The following AGBL4 variants were observed in gnomAD, a reference collection of about 807,000 sequenced individuals.
AGBL4 encodes cytosolic carboxypeptidase 6.
AGBL4 carries 58 observed loss-of-function variants against 66.4 expected under a neutral mutation model. The observed-to-expected ratio is 0.87, with a 90% CI of 0.71 to 1.09. The LOEUF (loss-of-function observed/expected upper bound fraction) is 1.09. Among genes scored for constraint, AGBL4 ranks in the 50% least tolerant of loss-of-function variants. The pLI, the probability that AGBL4 is intolerant of heterozygous loss-of-function variation, is 0.00. For synonymous variants in AGBL4, 234 were observed against 222.9 expected (o/e 1.05, Z -0.44); for missense variants, 579 against 631.0 (o/e 0.92, Z 0.88).
chr1:48,835,427 G>T lies in AGBL4; in HGVS notation c.634+31764C>A, dbSNP rs565003678. Among the ~76,000 whole-genome samples the T allele has an allele frequency of 1.2e-4, 18 of 152,170 alleles. No homozygotes were observed. In the South Asian group the frequency reaches 1.7e-3, roughly 14 times the overall value. ...TCCTTAAATAATCACACAAATATGG[G>T]TATAATTACACTCTGAGATGAGTGC... On this transcript the variant is annotated intron_variant, in intron 6 of 13. Transcript: ENST00000371839.
At chr1:49,977,326 T>C (rs1382869650) in intron 1 of AGBL4, among the ~76,000 whole-genome samples, 1 of 151,834 alleles carries the variant, frequency 6.6e-6, no homozygotes, top group African/African-American at 2.4e-5. Flanking sequence ...TCGTCTTCCA[T>C]GGACTTCACC....
At chr1:49,234,803 G>A (rs973681595) in intron 4 of AGBL4, among the ~76,000 whole-genome samples, 3 of 152,138 alleles carry the variant, frequency 2.0e-5, no homozygotes, top group Non-Finnish European at 2.9e-5. Flanking sequence ...TAGAAAGGTT[G>A]ATCACCCTAT....
At chr1:49,756,038 A>G (rs547531293) in intron 2 of AGBL4, among the ~76,000 whole-genome samples, 77 of 152,318 alleles carry the variant, frequency 5.1e-4, no homozygotes, top group African/African-American at 1.5e-3. Flanking sequence ...AACATTTTAT[A>G]CTAGTGTTTC....
intron 3 of AGBL4, among the ~76,000 whole-genome samples, chr1:49,347,417 A>G (rs1645655393): frequency 6.6e-6 from 1 of 151,658 alleles, no homozygotes; most frequent in Admixed American, 6.6e-5. Context: ...ACGCCCAGCT[A>G]ATTTTTTGTA....
At chr1:49,233,342 T>C (rs1650472652) in intron 4 of AGBL4, among the ~76,000 whole-genome samples, 1 of 152,202 alleles carries the variant, frequency 6.6e-6, no homozygotes, top group South Asian at 2.1e-4. Context: ...CAATTCAAGG[T>C]GTTGATTTAT....
At chr1:49,293,284 G>T (rs892085951) in intron 3 of AGBL4, among the ~76,000 whole-genome samples, 1 of 152,280 alleles carries the variant, frequency 6.6e-6, no homozygotes, top group East Asian at 1.9e-4. Flanking sequence ...GCCACTCCAC[G>T]CCTGGCTTGC....
chr1:48,707,130 C>G (rs1646893585), intron 6 of AGBL4, among the ~76,000 whole-genome samples: 1 of 152,152 alleles, frequency 6.6e-6, no homozygotes, highest in Non-Finnish European at 1.5e-5. Flanking sequence ...CCCATCTTTA[C>G]TAAAAATACA....
chr1:49,952,257 A>T (rs1656224956), intron 1 of AGBL4, among the ~76,000 whole-genome samples: 1 of 151,928 alleles, frequency 6.6e-6, no homozygotes, highest in Admixed American at 6.6e-5. Flanking sequence ...CACTACGCAC[A>T]CTGCCTCCCA....
chr1:48,722,650 G>C (rs1647170587), intron 6 of AGBL4, among the ~76,000 whole-genome samples: 1 of 152,212 alleles, frequency 6.6e-6, no homozygotes, highest in Non-Finnish European at 1.5e-5. Flanking sequence ...GCCAAAAAGA[G>C]AGAATAGAGG....
chr1:50,003,940 CA>C (rs766929420), intron 1 of AGBL4, among the ~76,000 whole-genome samples: 1 of 152,102 alleles, frequency 6.6e-6, no homozygotes, highest in Non-Finnish European at 1.5e-5. Flanking sequence ...ACTATCCACA[CA>C]AAAAAGCACC....
chr1:49,582,175 A>T (rs976848967), intron 3 of AGBL4, among the ~76,000 whole-genome samples: 1 of 152,150 alleles, frequency 6.6e-6, no homozygotes, highest in Non-Finnish European at 1.5e-5. Flanking sequence ...AGATGGAAAA[A>T]AACTGATTGG....
At chr1:49,410,282 A>T (rs960302032) in intron 3 of AGBL4, among the ~76,000 whole-genome samples, 1 of 152,132 alleles carries the variant, frequency 6.6e-6, no homozygotes, top group Non-Finnish European at 1.5e-5. Context: ...ATCTATTTTG[A>T]GTTTCTGCTC....
intron 1 of AGBL4, among the ~76,000 whole-genome samples, chr1:49,886,584 T>C (rs1648061092): frequency 6.6e-6 from 1 of 152,176 alleles, no homozygotes; most frequent in Non-Finnish European, 1.5e-5. Context: ...AAGCTGCTTC[T>C]GTGATGATGA....
At chr1:49,764,956 T>C (rs1652628414) in intron 2 of AGBL4, among the ~76,000 whole-genome samples, 1 of 152,072 alleles carries the variant, frequency 6.6e-6, no homozygotes, top group African/African-American at 2.4e-5. Flanking sequence ...ACAGATCAAG[T>C]TTGAGCCTAT....
intron 1 of AGBL4, among the ~76,000 whole-genome samples, chr1:49,985,716 A>T (rs1039808558): frequency 6.6e-6 from 1 of 152,138 alleles, no homozygotes; most frequent in East Asian, 1.9e-4. Flanking sequence ...TTACCTACAG[A>T]TGTTCAGCTC....
At chr1:49,737,254 T>A (rs982048509) in intron 2 of AGBL4, among the ~76,000 whole-genome samples, 4 of 152,152 alleles carry the variant, frequency 2.6e-5, no homozygotes, top group African/African-American at 9.7e-5. Context: ...TGCTGCACTA[T>A]TCAAATAGCA....
At chr1:49,450,381 C>T (rs945414264) in intron 3 of AGBL4, among the ~76,000 whole-genome samples, 1 of 151,842 alleles carries the variant, frequency 6.6e-6, no homozygotes, top group African/African-American at 2.4e-5. Context: ...TTAGGAATAC[C>T]AATATTTAAA....
At chr1:49,971,986 C>T (rs1248792075) in intron 1 of AGBL4, among the ~76,000 whole-genome samples, 5 of 123,666 alleles carry the variant, frequency 4.0e-5, no homozygotes, top group Admixed American at 1.1e-4. Context: ...GGCACGGTCT[C>T]GGCTCACTGC....
intron 3 of AGBL4, among the ~76,000 whole-genome samples, chr1:49,657,089 A>T (rs1275829526): frequency 6.6e-6 from 1 of 152,220 alleles, no homozygotes; most frequent in Non-Finnish European, 1.5e-5. Flanking sequence ...AGATGACATG[A>T]TTGTATATCT....
Sources: gnomAD v4.1 joint callset for allele counts (sites outside exome capture counted in the v4.1 genomes callset) on GRCh38, gnomAD v4.1.1 for gene constraint, MANE v1.5 for transcripts, NCBI Gene and HGNC (gene_info 2026-07-23, HGNC 2026-07-21) for gene names.